Variants in COPB1 observed in about 807,000 individuals in gnomAD.
COPB1 encodes coat protein complex I subunit beta 1.
COPB1 carries 21 observed loss-of-function variants against 108.7 expected under a neutral mutation model. That is an observed-to-expected ratio of 0.19 (90% CI 0.14 to 0.28). The LOEUF (loss-of-function observed/expected upper bound fraction) is 0.28, where lower values mean the gene tolerates loss of function less well. Among genes scored for constraint, COPB1 ranks in the 10% least tolerant of loss-of-function variants. The pLI is 1.00. For synonymous variants in COPB1, 378 were observed against 386.8 expected (o/e 0.98, Z 0.27); for missense variants, 919 against 1,141.3 (o/e 0.81, Z 2.81).
intron 2 of COPB1, among the ~76,000 whole-genome samples, chr11:14,497,977 T>G (rs919940406): frequency 6.6e-6 from 1 of 152,128 alleles, no homozygotes. Flanking sequence ...CACTTATTTG[T>G]GGAAGCTAAA....
intron 6 of COPB1, among the ~76,000 whole-genome samples, chr11:14,486,758 G>A (rs1850784955): frequency 1.3e-5 from 2 of 151,978 alleles, no homozygotes; most frequent in South Asian, 4.1e-4. Flanking sequence ...AGGATGGTGT[G>A]AACAAAATAA....
At chr11:14,467,290 CTCA>C (rs1442714469) in intron 16 of COPB1, among the ~76,000 whole-genome samples, 1 of 152,036 alleles carries the variant, frequency 6.6e-6, no homozygotes, top group Non-Finnish European at 1.5e-5. Context: ...TGAAAAGACA[CTCA>C]TCATCACTAA....
intron 18 of COPB1, among the ~76,000 whole-genome samples, chr11:14,462,993 C>G (rs1030603077): frequency 6.6e-6 from 1 of 152,164 alleles, no homozygotes; most frequent in African/African-American, 2.4e-5. Flanking sequence ...TAGTCTTCAA[C>G]CCACCACTAA....
intron 17 of COPB1, among the ~76,000 whole-genome samples, chr11:14,465,851 GA>G (rs56852697): frequency 0.67 from 101,094 of 151,584 alleles, 33,869 homozygotes; most frequent in African/African-American, 0.7. Context: ...TCTTTACTAA[GA>G]AAAAAAAATG....
chr11:14,486,957 A>T (rs981592850), intron 6 of COPB1, among the ~76,000 whole-genome samples: 1 of 152,212 alleles, frequency 6.6e-6, no homozygotes, highest in Non-Finnish European at 1.5e-5. Flanking sequence ...CAGGATATTA[A>T]ATTTGGTCCT....
At chr11:14,472,577 C>A (rs573752281) in intron 14 of COPB1, among the ~76,000 whole-genome samples, 1 of 152,236 alleles carries the variant, frequency 6.6e-6, no homozygotes, top group Non-Finnish European at 1.5e-5. Context: ...ACCGACTTCT[C>A]TCTAGCTACC....
At chr11:14,496,477 C>T (rs1424643727) in intron 2 of COPB1, among the ~76,000 whole-genome samples, 3 of 151,630 alleles carry the variant, frequency 2.0e-5, no homozygotes, top group Non-Finnish European at 4.4e-5. Flanking sequence ...AATTAGATAC[C>T]TAGGAATTAA....
intron 15 of COPB1, 95 bp downstream of exon 15, chr11:14,469,241 C>A: frequency 9.7e-7 from 1 of 1,034,404 alleles, no homozygotes; most frequent in South Asian, 1.4e-5. Flanking sequence ...AAGGAGTCCT[C>A]CTGCCTCAGC....
Position 14,464,724 on chromosome 11 carries a change from G to A in COPB1, c.2410+187C>T, listed in dbSNP as rs528466181. On this transcript the variant is annotated intron_variant, in intron 18 of 21. Coordinates refer to ENST00000439561, the MANE Select transcript of COPB1 (RefSeq NM_001144061.2). The stretch of plus-strand genomic sequence containing the variant: ...TTTGCCTGACAGTTTCTAGAGGACA[G>A]TGACTCTATCTGGTTCATTTCTGTA... Among the ~76,000 whole-genome samples, 5 of 152,230 alleles carry A rather than the reference G, an allele frequency of 3.3e-5. No individual in the cohort carries two copies. In the East Asian group the frequency reaches 9.7e-4, roughly 29 times the overall value.
At chr11:14,497,228 A>G (rs1199628284) in intron 2 of COPB1, among the ~76,000 whole-genome samples, 1 of 152,172 alleles carries the variant, frequency 6.6e-6, no homozygotes, top group African/African-American at 2.4e-5. Context: ...ACAGCAAAGG[A>G]AACAATCGAC....
At chr11:14,475,690 G>T in intron 13 of COPB1, 95 bp downstream of exon 13, 1 of 1,271,144 alleles carries the variant, frequency 7.9e-7, no homozygotes, top group Non-Finnish European at 1.0e-6. Context: ...CATTTTGGTT[G>T]CAAAAGCAAG....
chr11:14,490,533 G>T, intron 5 of COPB1, 32 bp downstream of exon 5: 1 of 1,206,468 alleles, frequency 8.3e-7, no homozygotes, highest in Non-Finnish European at 1.2e-6. Context: ...CTTAAATACA[G>T]TAATAAGAGT....
At chr11:14,460,648 C>T (rs1041118942) in intron 19 of COPB1, among the ~76,000 whole-genome samples, 1 of 151,994 alleles carries the variant, frequency 6.6e-6, no homozygotes. Context: ...TCCGGAGTAG[C>T]TGGGACTACC....
chr11:14,481,425 G>A (rs866717772), intron 8 of COPB1, among the ~76,000 whole-genome samples: 1 of 152,026 alleles, frequency 6.6e-6, no homozygotes, highest in Non-Finnish European at 1.5e-5. Flanking sequence ...CCAGAAAGAG[G>A]GGCATTTTAT....
In COPB1 at chr11:14,466,366, G is replaced by T. The variant is rs754524850; in HGVS notation, c.2206C>A (p.Gln736Lys). ...VYAEAYVHVN[Q>K]YDIVLDVLVV... Reference sequence around the variant, plus strand: ...AGTACATCCAGGACAATATCATATTGGTTGACATGAACGTAAGCTTCTGCA... The same window carrying T: ...AGTACATCCAGGACAATATCATATTTGTTGACATGAACGTAAGCTTCTGCA... The change falls in exon 17 of 22, where the codon CAA becomes AAA. Residue 736 changes from glutamine (Q) to lysine (K), a missense_variant. This residue lies in a region of COPB1 where 705 missense variants were observed against 817.8 expected (regional missense o/e 0.86). Coordinates refer to ENST00000439561, the MANE Select transcript of COPB1 (RefSeq NM_001144061.2). 5.0e-6 allele frequency: 8 copies of T among 1,613,446 alleles called. No homozygotes were observed. The South Asian group carries it at 7.7e-5, about 16-fold the overall frequency.
At chr11:14,469,089 G>C (rs1204345145) in intron 15 of COPB1, among the ~76,000 whole-genome samples, 2 of 152,120 alleles carry the variant, frequency 1.3e-5, no homozygotes, top group African/African-American at 2.4e-5. Context: ...CGAACTCTTA[G>C]ATTCAAACGA....
intron 7 of COPB1, among the ~76,000 whole-genome samples, chr11:14,485,316 C>T (rs1850746258): frequency 6.6e-6 from 1 of 152,086 alleles, no homozygotes; most frequent in Non-Finnish European, 1.5e-5. Flanking sequence ...ACCACCACAC[C>T]TAGCACCAGC....
intron 11 of COPB1, among the ~76,000 whole-genome samples, chr11:14,479,192 G>A (rs936033197): frequency 4.6e-5 from 7 of 152,086 alleles, no homozygotes; most frequent in Non-Finnish European, 1.0e-4. Flanking sequence ...ATTAGCAAAG[G>A]CTCTCTGAAG....
At chr11:14,492,153 A>C (rs1355694910) in intron 4 of COPB1, among the ~76,000 whole-genome samples, 1 of 152,182 alleles carries the variant, frequency 6.6e-6, no homozygotes, top group African/African-American at 2.4e-5. Flanking sequence ...TTTACTTGCA[A>C]AACTAATTAT....
Sources: allele counts gnomAD v4.1 joint callset (sites outside exome capture counted in the v4.1 genomes callset), GRCh38; gene constraint gnomAD v4.1.1; regional missense constraint gnomAD v4.1.1; transcripts MANE v1.5; gene names NCBI Gene and HGNC (gene_info 2026-07-23, HGNC 2026-07-21).